S100A8: variants seen among roughly 807,000 people sequenced by gnomAD.
S100A8 encodes protein S100-A8.
In S100A8, 1 loss-of-function variant was observed where a neutral mutation model predicts 4.2. The observed-to-expected ratio is 0.24, with a 90% confidence interval of 0.08 to 1.12. The LOEUF (loss-of-function observed/expected upper bound fraction) is 1.12, where lower values mean the gene tolerates loss of function less well. S100A8 is among the 50% of genes most tolerant of loss of function. The pLI, the probability that S100A8 is intolerant of heterozygous loss-of-function variation, is 0.53. For missense variants in S100A8, 96 were observed against 111.8 expected (o/e 0.86, Z 0.64); for synonymous variants, 41 against 44.7 (o/e 0.92, Z 0.33).
At chr1:153,419,154 G>C in the S100A8 span, 1 of 1,613,864 alleles carries the variant, frequency 6.2e-7, no homozygotes, top group South Asian at 1.1e-5. Context: ...GGACAAAAAG[G>C]GCATACATTA....
the S100A8 span, among the ~76,000 whole-genome samples, chr1:153,398,134 C>A: frequency 6.6e-6 from 1 of 152,100 alleles, no homozygotes; most frequent in Admixed American, 6.5e-5. Flanking sequence ...CAGGATGGAC[C>A]AGAAGTCCTC....
the S100A8 span, among the ~76,000 whole-genome samples, chr1:153,402,718 T>C: frequency 3.3e-5 from 5 of 152,206 alleles, no homozygotes; most frequent in Admixed American, 6.5e-5. Context: ...ATAGATTCAG[T>C]GCAATCCCAG....
the S100A8 span, among the ~76,000 whole-genome samples, chr1:153,402,929 C>T: frequency 6.6e-6 from 1 of 152,144 alleles, no homozygotes. Context: ...CATAGATCAA[C>T]AGAACTAAAT....
the S100A8 span, among the ~76,000 whole-genome samples, chr1:153,397,894 C>T: frequency 5.9e-5 from 9 of 152,186 alleles, no homozygotes; most frequent in Non-Finnish European, 1.2e-4. Flanking sequence ...GCAAGGGCCC[C>T]GTACCCAGGC....
chr1:153,402,972 A>G, the S100A8 span, among the ~76,000 whole-genome samples: 45 of 149,196 alleles, frequency 3.0e-4, no homozygotes, highest in South Asian at 2.1e-4. Context: ...CACGTATGGT[A>G]TATTTATTCT....
the S100A8 span, among the ~76,000 whole-genome samples, chr1:153,404,793 C>T: frequency 2.0e-5 from 3 of 152,056 alleles, no homozygotes; most frequent in Non-Finnish European, 4.4e-5. Context: ...GTGAAGATCT[C>T]TTTTTTTAAC....
the S100A8 span, among the ~76,000 whole-genome samples, chr1:153,417,783 C>T: frequency 6.6e-6 from 1 of 152,154 alleles, no homozygotes; most frequent in Non-Finnish European, 1.5e-5. Context: ...TGTTGCTGGC[C>T]TCCGACTCTC....
chr1:153,391,318 T>G, upstream of S100A8: 1 of 441,492 alleles, frequency 2.3e-6, no homozygotes, highest in Non-Finnish European at 3.0e-6. Context: ...GGGCTCTTTT[T>G]CTGGGCTGCT....
chr1:153,415,858 T>G, the S100A8 span, among the ~76,000 whole-genome samples: 5 of 152,192 alleles, frequency 3.3e-5, no homozygotes, highest in African/African-American at 1.2e-4. Flanking sequence ...GACTTTGAGT[T>G]CCCATAGGGC....
At chr1:153,400,987 A>T in the S100A8 span, among the ~76,000 whole-genome samples, 7 of 152,114 alleles carry the variant, frequency 4.6e-5, no homozygotes, top group Non-Finnish European at 1.0e-4. Context: ...ATGGCTGGGG[A>T]TGGGGGGCAG....
chr1:153,404,920 T>C, the S100A8 span, among the ~76,000 whole-genome samples: 2 of 152,016 alleles, frequency 1.3e-5, no homozygotes, highest in East Asian at 3.9e-4. Context: ...GGGTGCTCGG[T>C]GGCGCCACCG....
chr1:153,422,474 T>C, the S100A8 span: 18 of 969,718 alleles, frequency 1.9e-5, no homozygotes, highest in Non-Finnish European at 2.1e-5. Flanking sequence ...ATTATATTGG[T>C]ACTAAAGAGA....
chr1:153,419,591 G>A, the S100A8 span: 1 of 423,856 alleles, frequency 2.4e-6, no homozygotes, highest in Non-Finnish European at 4.2e-6. Flanking sequence ...CAGCCACCTT[G>A]GCAGGTTCCA....
chr1:153,397,560 G>A, the S100A8 span, among the ~76,000 whole-genome samples: 5 of 152,182 alleles, frequency 3.3e-5, no homozygotes, highest in African/African-American at 1.2e-4. Flanking sequence ...CACAGCACGG[G>A]GACAGAGTGG....
chr1:153,403,435 T>C, the S100A8 span, among the ~76,000 whole-genome samples: 4 of 152,190 alleles, frequency 2.6e-5, no homozygotes, highest in African/African-American at 4.8e-5. Context: ...AACTGTTAGC[T>C]TCACCTATGT....
chr1:153,416,277 G>T, the S100A8 span, among the ~76,000 whole-genome samples: 3 of 152,142 alleles, frequency 2.0e-5, no homozygotes, highest in Non-Finnish European at 4.4e-5. Flanking sequence ...CACATGTACC[G>T]CTGCCTTACC....
upstream of S100A8, chr1:153,391,195 G>A (rs993516799): frequency 7.1e-6 from 7 of 985,498 alleles, no homozygotes; most frequent in Non-Finnish European, 8.4e-6. Context: ...TCTCAACCAG[G>A]TGAATGTGGC....
the S100A8 span, among the ~76,000 whole-genome samples, chr1:153,407,598 T>A: frequency 6.6e-6 from 1 of 152,196 alleles, no homozygotes; most frequent in Admixed American, 6.5e-5. Flanking sequence ...GCGTCCCTGT[T>A]TGACAGCTTT....
At chr1:153,411,725 C>A in the S100A8 span, among the ~76,000 whole-genome samples, 14 of 152,322 alleles carry the variant, frequency 9.2e-5, no homozygotes, top group African/African-American at 3.1e-4. Context: ...TACCTGACTT[C>A]AAACTATACT....
Sources: gnomAD v4.1 joint callset for allele counts (sites outside exome capture counted in the v4.1 genomes callset) on GRCh38, gnomAD v4.1.1 for gene constraint, MANE v1.5 for transcripts, NCBI Gene and HGNC (gene_info 2026-07-23, HGNC 2026-07-21) for gene names.